Variants in GZMK observed in about 807,000 individuals in gnomAD.
The protein encoded by GZMK is NK-Tryp-2.
A neutral mutation model predicts 22.8 loss-of-function variants in GZMK; 18 were observed. The ratio of observed to expected loss-of-function variants is 0.79; its 90% CI spans 0.54 to 1.17. The LOEUF is 1.17. Ranked by LOEUF, GZMK falls within the 50% of genes most tolerant of loss-of-function variation. The pLI, the probability that GZMK is intolerant of heterozygous loss-of-function variation, is 0.00. For missense variants in GZMK, 342 were observed against 320.2 expected (o/e 1.07, Z -0.52); for synonymous variants, 136 against 115.0 (o/e 1.18, Z -1.17).
In GZMK at chr5:55,031,460, T is replaced by G. The variant is rs775939517; in HGVS notation, c.460T>G (p.Trp154Gly). Residue 154 changes from tryptophan to glycine, a missense_variant, in exon 4 of 5, where the codon TGG becomes GGG. Trp to Gly is a radical substitution (Grantham distance 184). Coordinates refer to ENST00000231009, the MANE Select transcript of GZMK (RefSeq NM_002104.3). ...RSGTKCKVTGWGATDPDSLRP... is the reference protein window; with the variant it reads ...RSGTKCKVTGGGATDPDSLRP... ...TGGAACCAAATGCAAGGTTACTGGC[T>G]GGGGAGCCACCGATCCAGATTCATT... The G allele has an allele frequency of 1.2e-5, 20 of 1,613,968 alleles. No individual in the cohort carries two copies. The highest frequency in any genetic ancestry group is 1.4e-5 in the Non-Finnish European group (16 of 1,179,914).
At chr5:55,024,921 C>T (rs1036666772) in intron 2 of GZMK, 114 bp downstream of exon 2, 9 of 618,968 alleles carry the variant, frequency 1.5e-5, no homozygotes, top group Non-Finnish European at 2.4e-5. Context: ...TCTGTGGTTA[C>T]TGACCAACTG....
chr5:55,025,133 A>C (rs1319526961), intron 2 of GZMK: 1 of 182,036 alleles, frequency 5.5e-6, no homozygotes, highest in African/African-American at 2.3e-5. Context: ...GAAATCAGAC[A>C]ACCTGAGCTT....
chr5:55,027,663 G>T (rs1002379904), intron 2 of GZMK: 1 of 152,250 alleles, frequency 6.6e-6, no homozygotes, highest in Admixed American at 6.5e-5. Context: ...CTTGAAAAAG[G>T]TTATTGTTAG....
At chr5:55,027,173 G>A (rs550491718) in intron 2 of GZMK, among the ~76,000 whole-genome samples, 5 of 152,278 alleles carry the variant, frequency 3.3e-5, no homozygotes, top group Admixed American at 6.5e-5. Context: ...GCTGTTGTGC[G>A]GTTTAAATGA....
intron 2 of GZMK, 192 bp downstream of exon 2, chr5:55,024,999 G>A: frequency 2.3e-6 from 1 of 440,270 alleles, no homozygotes; most frequent in Admixed American, 3.8e-5. Flanking sequence ...AGAGAGAACT[G>A]AGCTGCTTTT....
chr5:55,029,799 T>C lies in GZMK; in HGVS notation c.213-635T>C, dbSNP rs545936771. Among the ~76,000 whole-genome samples the C allele has an allele frequency of 5.3e-5, 8 of 152,160 alleles. No homozygotes were observed. The South Asian group carries it at 1.5e-3, about 28-fold the overall frequency. Reference sequence around the variant, plus strand: ...TCAAACTCCTGGCCTCAAATGATCCTCCCACCTCAGTCTCCCAAGTGGCTG... The same window carrying C: ...TCAAACTCCTGGCCTCAAATGATCCCCCCACCTCAGTCTCCCAAGTGGCTG... On this transcript the variant is annotated intron_variant, in intron 2 of 4. Transcript: ENST00000231009.
At chr5:55,030,884 CTTTT>C (rs1741218950) in intron 3 of GZMK, among the ~76,000 whole-genome samples, 1 of 152,162 alleles carries the variant, frequency 6.6e-6, no homozygotes, top group African/African-American at 2.4e-5. Flanking sequence ...CTCCCAAATG[CTTTT>C]CTCATTAGCA....
chr5:55,032,363 C>G (rs532658762), intron 4 of GZMK: 1 of 152,322 alleles, frequency 6.6e-6, no homozygotes, highest in Admixed American at 6.5e-5. Flanking sequence ...TCCTAATACT[C>G]TCACCTTGGG....
rs1310532455 is a variant in GZMK at position 55,034,134 on chromosome 5, CTGTT to C, written c.*212_*215del. 2.2e-5 allele frequency: 11 copies of C among 503,576 alleles called. No individual in the cohort carries two copies. Among genetic ancestry groups the C allele is most frequent in the African/African-American group, 3.9e-5 (2 of 51,212 alleles). 31.2% of individuals were successfully genotyped at this position (503,576 alleles called of 1,614,324 possible). On this transcript the variant is annotated 3_prime_UTR_variant, in exon 5 of 5. Coordinates refer to ENST00000231009, the MANE Select transcript of GZMK (RefSeq NM_002104.3). ...TTCTAAATAAAATTTAGAAGACTCT[CTGTT>C]TGTCTTTTATCACATGAAGTAATAT...
At chr5:55,031,293 C>T (rs1741226119) in intron 3 of GZMK, 71 bp from the exon 4 acceptor site, 2 of 1,305,758 alleles carry the variant, frequency 1.5e-6, no homozygotes, top group African/African-American at 2.9e-5. Context: ...AGGGACCACA[C>T]ATACGACGCA....
At chr5:55,030,644 T>TTAG in intron 3 of GZMK, 60 bp downstream of exon 3, 2 of 1,327,806 alleles carry the variant, frequency 1.5e-6, no homozygotes, top group Non-Finnish European at 2.1e-6. Flanking sequence ...GATGGCTCAA[T>TTAG]TAGTTAAATC....
chr5:55,031,282 G>A (rs905854687), intron 3 of GZMK, 82 bp from the exon 4 acceptor site: 9 of 1,192,852 alleles, frequency 7.5e-6, no homozygotes, highest in Admixed American at 1.9e-5. Flanking sequence ...GCCTAAGACA[G>A]AGGGACCACA....
Position 55,030,449 on chromosome 5 carries a change from G to A in GZMK, c.228G>A (p.Gln76=), listed in dbSNP as rs767642340. 2.6e-5 allele frequency: 42 copies of A among 1,613,388 alleles called. No individual in the cohort carries two copies. In the South Asian group the frequency reaches 4.5e-4, roughly 17 times the overall value. Residue 76 remains glutamine (Q), a synonymous_variant, in exon 3 of 5, where the codon CAG becomes CAA. Transcript: ENST00000231009. ...AHCQYRFTKG[Q]SPTVVLGAHS... ...CTTTTTTTAGGTTTACCAAAGGCCA[G>A]TCTCCCACTGTGGTTTTAGGCGCAC...
chr5:55,032,881 T>C (rs1030112445), intron 4 of GZMK, among the ~76,000 whole-genome samples: 1 of 152,246 alleles, frequency 6.6e-6, no homozygotes, highest in Non-Finnish European at 1.5e-5. Context: ...TAGAATACAG[T>C]ATTCATCTCA....
chr5:55,031,211 G>C (rs1406385729), intron 3 of GZMK, among the ~76,000 whole-genome samples, 153 bp from the exon 4 acceptor site: 3 of 152,210 alleles, frequency 2.0e-5, no homozygotes, highest in African/African-American at 7.2e-5. Context: ...GGTCAGAAAA[G>C]CAACAACCAC....
At chr5:55,028,622 A>G (rs909534081) in intron 2 of GZMK, 3 of 152,150 alleles carry the variant, frequency 2.0e-5, no homozygotes, top group Non-Finnish European at 2.9e-5. Context: ...ACTTTTATTA[A>G]TCTTTATTAA....
Position 55,034,168 on chromosome 5 carries a change from C to T in GZMK, c.*242C>T. On this transcript the variant is annotated 3_prime_UTR_variant, in exon 5 of 5. Transcript: ENST00000231009. ...TTTTATCACATGAAGTAATATCTGC[C>T]CCCATTGCACCCACACTCGCCAAAG... 2 of 433,250 alleles carry T rather than the reference C, an allele frequency of 4.6e-6. No homozygotes were observed. The highest frequency in any genetic ancestry group is 3.7e-5 in the South Asian group (1 of 26,832). 26.8% of individuals were successfully genotyped at this position (433,250 alleles called of 1,614,324 possible).
chr5:55,030,252 G>A, intron 2 of GZMK, 182 bp from the exon 3 acceptor site: 1 of 534,504 alleles, frequency 1.9e-6, no homozygotes, highest in Non-Finnish European at 3.3e-6. Context: ...CAAGTCATTT[G>A]GCCCTTAATA....
chr5:55,028,785 G>A (rs530662560), intron 2 of GZMK, among the ~76,000 whole-genome samples: 11 of 152,294 alleles, frequency 7.2e-5, no homozygotes, highest in African/African-American at 2.6e-4. Flanking sequence ...TGTATCTGTA[G>A]TATACAAATG....
Sources: gnomAD v4.1 joint callset for allele counts (sites outside exome capture counted in the v4.1 genomes callset) on GRCh38, gnomAD v4.1.1 for gene constraint, MANE v1.5 for transcripts, NCBI Gene and HGNC (gene_info 2026-07-23, HGNC 2026-07-21) for gene names.